The following NGEF variants were observed in gnomAD, a reference collection of about 807,000 sequenced individuals.
NGEF encodes the protein neuronal guanine nucleotide exchange factor, also known as ephexin-1.
NGEF carries 31 observed loss-of-function variants against 80.9 expected under a neutral mutation model. That is an observed-to-expected ratio of 0.38 (90% CI 0.29 to 0.52). The LOEUF (loss-of-function observed/expected upper bound fraction) is 0.52. Among genes scored for constraint, NGEF ranks in the 20% least tolerant of loss-of-function variants. The probability of loss-of-function intolerance (pLI) is 0.84; values close to 1 mark genes in which losing one functional copy is unlikely to be tolerated. For synonymous variants in NGEF, 371 were observed against 370.2 expected, an observed-to-expected ratio of 1.00 and a Z score of -0.03; for missense variants, 709 against 926.2, an observed-to-expected ratio of 0.77 and a Z score of 3.04.
At chr2:232,879,741 C>T in intron 14 of NGEF, 62 bp from the exon 15 acceptor site, 1 of 1,517,954 alleles carries the variant, frequency 6.6e-7, no homozygotes, top group Non-Finnish European at 9.0e-7. Context: ...TGCACAGAGG[C>T]TCCCTCCTGG....
chr2:232,944,898 C>A (rs1052090668), intron 3 of NGEF, among the ~76,000 whole-genome samples: 2 of 151,392 alleles, frequency 1.3e-5, no homozygotes, highest in African/African-American at 4.9e-5. Context: ...ATTACAGGCG[C>A]CTGCCACCAC....
chr2:232,904,714 CA>C (rs1453411767), intron 5 of NGEF, among the ~76,000 whole-genome samples: 17 of 152,300 alleles, frequency 1.1e-4, no homozygotes, highest in African/African-American at 4.1e-4. Context: ...GAGGCTGAGG[CA>C]GGAGGATTGC....
intron 1 of NGEF, among the ~76,000 whole-genome samples, chr2:232,990,053 C>G (rs999367584): frequency 1.3e-5 from 2 of 152,086 alleles, no homozygotes; most frequent in African/African-American, 4.8e-5. Flanking sequence ...TAACATGTTT[C>G]CAGAAGTTTT....
At chr2:232,901,108 C>T (rs961899058) in intron 5 of NGEF, among the ~76,000 whole-genome samples, 8 of 152,216 alleles carry the variant, frequency 5.3e-5, no homozygotes, top group African/African-American at 1.9e-4. Context: ...TGGAGAAAGG[C>T]GGAAGCTTTA....
At chr2:232,941,264 G>T (rs773491789) in intron 3 of NGEF, among the ~76,000 whole-genome samples, 1 of 152,034 alleles carries the variant, frequency 6.6e-6, no homozygotes, top group Admixed American at 6.6e-5. Flanking sequence ...CTCAAGCACT[G>T]ATCTTAGGAG....
At chr2:232,881,923 G>T (rs1285896189) in intron 13 of NGEF, among the ~76,000 whole-genome samples, 1 of 152,220 alleles carries the variant, frequency 6.6e-6, no homozygotes, top group African/African-American at 2.4e-5. Context: ...TAAAACAGCA[G>T]TGAAGTTTGG....
chr2:232,885,467 G>A, intron 9 of NGEF, 98 bp from the exon 10 acceptor site: 6 of 940,092 alleles, frequency 6.4e-6, no homozygotes, highest in Admixed American at 1.8e-5. Flanking sequence ...AGTGACCACC[G>A]TGACCAGACA....
chr2:232,982,648 G>A (rs1694457398), intron 1 of NGEF, among the ~76,000 whole-genome samples: 1 of 152,150 alleles, frequency 6.6e-6, no homozygotes, highest in Non-Finnish European at 1.5e-5. Context: ...TGCATAGCTG[G>A]GATTATAGGT....
Position 233,011,290 on chromosome 2 carries a change from T to A in NGEF, c.-75+1778A>T, listed in dbSNP as rs1695197478. Among the ~76,000 whole-genome samples the A allele has an allele frequency of 2.6e-5, 4 of 152,082 alleles. No individual in the cohort carries two copies. In the South Asian group the frequency reaches 8.3e-4, roughly 31 times the overall value. On this transcript the variant is annotated intron_variant, in intron 1 of 14. Transcript: ENST00000264051. ...GTAAAGGAATTTTTGCCATTGGGGT[T>A]GTGCTGGGGGGTGACTTCAGAGCAT... is the stretch of plus-strand genomic sequence containing the variant.
chr2:232,927,259 C>T (rs1033185240), intron 3 of NGEF, 73 bp from the exon 4 acceptor site: 1 of 1,457,298 alleles, frequency 6.9e-7, no homozygotes, highest in Admixed American at 2.3e-5. Context: ...TAGCGAGGGG[C>T]GTGCGCACAG....
chr2:232,938,363 C>T lies in NGEF; in HGVS notation c.384-11177G>A, dbSNP rs558163003. Among the ~76,000 whole-genome samples the T allele has an allele frequency of 6.6e-5, 10 of 152,220 alleles. No homozygotes were observed. In the East Asian group the frequency reaches 1.7e-3, roughly 26 times the overall value. On this transcript the variant is annotated intron_variant, in intron 3 of 14. Transcript: ENST00000264051. ...GACTATCGCATAGCCTTCATGGAAACGAATTGCCTAAAACAGGCTGCCCCA... is the reference window on the plus strand; with the variant it reads ...GACTATCGCATAGCCTTCATGGAAATGAATTGCCTAAAACAGGCTGCCCCA...
chr2:232,927,122 G>T lies in NGEF; in HGVS notation c.448C>A (p.Pro150Thr), dbSNP rs1276107251. The change falls in exon 4 of 15, where the codon CCC becomes ACC. Residue 150 changes from proline (P) to threonine (T), a missense_variant. By Grantham distance (38) the Pro-to-Thr change is conservative. Coordinates refer to ENST00000264051, the MANE Select transcript of NGEF (RefSeq NM_019850.3). ...PEEWPALADS[P>T]TTLTEALRMI... ...CGCAGGGCCTCGGTGAGCGTGGTGG[G>T]GCTGTCGGCCAGGGCCGGCCACTCC... 4 of 1,613,068 alleles carry T rather than the reference G, an allele frequency of 2.5e-6. No homozygotes were observed. The South Asian group carries it at 4.4e-5, about 18-fold the overall frequency.
chr2:232,946,062 GATAT>G (rs71398758), intron 3 of NGEF, among the ~76,000 whole-genome samples: 1 of 147,180 alleles, frequency 6.8e-6, no homozygotes, highest in Non-Finnish European at 1.5e-5. Context: ...ATATATATCT[GATAT>G]ATATATATAT....
At chr2:232,928,730 A>C (rs1693151974) in intron 3 of NGEF, among the ~76,000 whole-genome samples, 2 of 152,158 alleles carry the variant, frequency 1.3e-5, no homozygotes, top group Non-Finnish European at 2.9e-5. Context: ...AGGACGAGCC[A>C]CGCTCAGCTA....
At chr2:232,976,841 G>A (rs1252913508) in intron 1 of NGEF, among the ~76,000 whole-genome samples, 1 of 152,226 alleles carries the variant, frequency 6.6e-6, no homozygotes, top group African/African-American at 2.4e-5. Flanking sequence ...GACCCTTCTG[G>A]TCCCGGCCTC....
intron 1 of NGEF, among the ~76,000 whole-genome samples, chr2:233,000,577 G>A (rs766245727): frequency 6.6e-6 from 1 of 152,014 alleles, no homozygotes; most frequent in African/African-American, 2.4e-5. Context: ...CTAACACGGT[G>A]AAACCCCGTC....
At chr2:232,980,240 A>G (rs1694385394) in intron 1 of NGEF, among the ~76,000 whole-genome samples, 1 of 152,184 alleles carries the variant, frequency 6.6e-6, no homozygotes, top group Admixed American at 6.5e-5. Flanking sequence ...CAGTGTGTGA[A>G]TCAGTGTCCT....
chr2:232,982,140 T>C (rs975919595), intron 1 of NGEF, among the ~76,000 whole-genome samples: 36 of 152,026 alleles, frequency 2.4e-4, no homozygotes, highest in Non-Finnish European at 5.9e-5. Flanking sequence ...GCAGGAGGCA[T>C]GGGCAGCCCC....
At chr2:233,005,757 G>A (rs2106346176) in intron 1 of NGEF, among the ~76,000 whole-genome samples, 1 of 152,312 alleles carries the variant, frequency 6.6e-6, no homozygotes, top group Middle Eastern at 3.4e-3. Flanking sequence ...TTAGCCCAGT[G>A]AGAGCCATGT....
Sources: gnomAD v4.1 joint callset for allele counts (sites outside exome capture counted in the v4.1 genomes callset) on GRCh38, gnomAD v4.1.1 for gene constraint, MANE v1.5 for transcripts, NCBI Gene and HGNC (gene_info 2026-07-23, HGNC 2026-07-21) for gene names.